IMPG1: variants seen among roughly 807,000 people sequenced by gnomAD.
IMPG1 encodes interphotoreceptor matrix proteoglycan 1, also known as interphotoreceptor matrix proteoglycan of 150 kDa.
Under a neutral mutation model 92.0 loss-of-function variants are expected in IMPG1, and 85 were observed. The observed-to-expected ratio is 0.92, with a 90% CI of 0.78 to 1.11. IMPG1 has a LOEUF of 1.11. IMPG1 is among the 50% of genes least tolerant of loss of function. IMPG1 has a pLI of 0.00. For synonymous variants in IMPG1, 367 were observed against 334.1 expected, an observed-to-expected ratio of 1.10 and a Z score of -1.08; for missense variants, 1,022 against 956.0, an observed-to-expected ratio of 1.07 and a Z score of -0.91.
chr6:76,033,927 G>A (rs1454366849), intron 4 of IMPG1, among the ~76,000 whole-genome samples: 2 of 152,162 alleles, frequency 1.3e-5, no homozygotes, highest in African/African-American at 4.8e-5. Flanking sequence ...CCAAATGAGA[G>A]TTCAAAATTC....
At chr6:76,022,816 C>A (rs1345362847) in intron 5 of IMPG1, among the ~76,000 whole-genome samples, 1 of 152,252 alleles carries the variant, frequency 6.6e-6, no homozygotes, top group East Asian at 1.9e-4. Context: ...AATACAAATG[C>A]ATTTCTATTT....
At chr6:75,939,356 C>G (rs1018545503) in intron 14 of IMPG1, among the ~76,000 whole-genome samples, 3 of 152,136 alleles carry the variant, frequency 2.0e-5, no homozygotes, top group South Asian at 4.2e-4. Flanking sequence ...CTGCTCCCCC[C>G]CACCCCACAA....
intron 2 of IMPG1, among the ~76,000 whole-genome samples, chr6:76,040,471 C>T (rs1783816237): frequency 6.6e-6 from 1 of 152,212 alleles, no homozygotes; most frequent in Non-Finnish European, 1.5e-5. Flanking sequence ...TGTAGGCACA[C>T]TCGAAATTAG....
chr6:76,035,605 C>T (rs1224398474), intron 2 of IMPG1, among the ~76,000 whole-genome samples: 3 of 151,782 alleles, frequency 2.0e-5, no homozygotes, highest in Non-Finnish European at 2.9e-5. Flanking sequence ...GGTCCCCTGG[C>T]TGTCCTTGAA....
At chr6:76,034,247 T>C in intron 4 of IMPG1, 68 bp downstream of exon 4, 2 of 1,455,786 alleles carry the variant, frequency 1.4e-6, no homozygotes, top group South Asian at 1.2e-5. Context: ...ATAGCTTAGT[T>C]TCACTCCATT....
intron 5 of IMPG1, chr6:76,024,809 T>C (rs1783494347): frequency 3.2e-6 from 1 of 314,398 alleles, no homozygotes; most frequent in African/African-American, 2.2e-5. Context: ...ATTAAAATGA[T>C]AACTTTGAAG....
At chr6:75,997,159 G>A (rs1417387787) in intron 12 of IMPG1, among the ~76,000 whole-genome samples, 1 of 152,164 alleles carries the variant, frequency 6.6e-6, no homozygotes, top group Non-Finnish European at 1.5e-5. Flanking sequence ...AGGTGAAATT[G>A]GAAGTCTTAG....
chr6:75,930,116 G>A (rs938966219), intron 15 of IMPG1, among the ~76,000 whole-genome samples: 1 of 152,174 alleles, frequency 6.6e-6, no homozygotes. Flanking sequence ...ACACTCTAAA[G>A]TCTGGTTCCT....
intron 1 of IMPG1, among the ~76,000 whole-genome samples, chr6:76,049,803 G>A (rs975917972): frequency 6.6e-6 from 1 of 152,290 alleles, no homozygotes; most frequent in Non-Finnish European, 1.5e-5. Flanking sequence ...ATTTAGGGGG[G>A]CATAAAGGAG....
At chr6:75,970,449 T>C (rs1782392800) in intron 12 of IMPG1, among the ~76,000 whole-genome samples, 1 of 152,176 alleles carries the variant, frequency 6.6e-6, no homozygotes, top group African/African-American at 2.4e-5. Context: ...GAAATCTTAT[T>C]AGACTTAAAC....
chr6:76,072,464 T>G lies in IMPG1; in HGVS notation c.25A>C (p.Ile9Leu). 1.3e-6 allele frequency: 2 copies of G among 1,596,342 alleles called. No homozygotes were observed. Among genetic ancestry groups the G allele is most frequent in the Non-Finnish European group, 1.7e-6 (2 of 1,168,880 alleles). Reference protein sequence around the residue: MYLETRRAIFVFWIFLQVQ... With the variant: MYLETRRALFVFWIFLQVQ... ...TGGAGAAAAATCCAAAAAACAAAAA[T>G]AGCTCTTCTAGTTTCCAAATACATT... The change falls in exon 1 of 17, where the codon ATT becomes CTT. Residue 9 changes from isoleucine (I) to leucine (L), a missense_variant. Physicochemically the swap from Ile to Leu is conservative, Grantham distance 5. Around this residue, in one of 3 missense-constraint regions of IMPG1, gnomAD observed 681 missense variants for 583.6 expected, o/e 1.17. Transcript: ENST00000369950.
chr6:76,005,675 C>T, intron 9 of IMPG1, 141 bp from the exon 10 acceptor site: 2 of 741,762 alleles, frequency 2.7e-6, no homozygotes, highest in Non-Finnish European at 4.5e-6. Context: ...CACTTTAAAA[C>T]ATTTCAACAT....
chr6:76,034,701 A>G lies in IMPG1; in HGVS notation c.388T>C (p.Cys130Arg), dbSNP rs768948437. The stretch of plus-strand genomic sequence containing the variant: ...AAGAGGCAGAAGGTCTCCTGCTGGC[A>G]GATGCTGACCCAGTCCTGATATTCC... ...TGEYQDWVSI[C>R]QQETFCLFDI... Residue 130 changes from cysteine to arginine, a missense_variant, in exon 3 of 17, where the codon TGC (cysteine) becomes CGC (arginine). By Grantham distance (180) the Cys-to-Arg change is radical. Around this residue, in one of 3 missense-constraint regions of IMPG1, gnomAD observed 681 missense variants for 583.6 expected, o/e 1.17. Coordinates refer to ENST00000369950, the MANE Select transcript of IMPG1 (RefSeq NM_001563.4). 2.5e-6 allele frequency: 4 copies of G among 1,614,038 alleles called. No individual in the cohort carries two copies. In the African/African-American group the frequency reaches 4.0e-5, roughly 16 times the overall value.
chr6:76,024,975 G>T, intron 5 of IMPG1: 1 of 594,816 alleles, frequency 1.7e-6, no homozygotes, highest in Non-Finnish European at 3.1e-6. Context: ...TTTCCAAACT[G>T]TAAGATATTG....
intron 14 of IMPG1, among the ~76,000 whole-genome samples, chr6:75,933,860 A>C (rs1175738569): frequency 1.3e-5 from 2 of 152,252 alleles, no homozygotes; most frequent in African/African-American, 4.8e-5. Context: ...TGTCTTCAAT[A>C]ATATTCACAG....
intron 12 of IMPG1, among the ~76,000 whole-genome samples, chr6:75,991,253 T>C (rs1458053999): frequency 6.6e-6 from 1 of 152,080 alleles, no homozygotes; most frequent in Non-Finnish European, 1.5e-5. Flanking sequence ...TAGTTGGGCA[T>C]GGTGGCACAC....
chr6:75,979,185 G>C (rs752695663), intron 12 of IMPG1, among the ~76,000 whole-genome samples: 42 of 152,206 alleles, frequency 2.8e-4, no homozygotes, highest in Middle Eastern at 3.4e-3. Flanking sequence ...CCAAAGTGCT[G>C]GGATTACAGG....
At chr6:75,999,153 G>A (rs776951320) in intron 12 of IMPG1, among the ~76,000 whole-genome samples, 8 of 151,880 alleles carry the variant, frequency 5.3e-5, no homozygotes, top group Non-Finnish European at 8.8e-5. Flanking sequence ...CACTGCGCCC[G>A]GCCGATAGGA....
intron 6 of IMPG1, among the ~76,000 whole-genome samples, chr6:76,021,269 G>T (rs1027026817): frequency 6.6e-6 from 1 of 152,046 alleles, no homozygotes; most frequent in Non-Finnish European, 1.5e-5. Context: ...ACTTCAAATT[G>T]TCTCGCCTTT....
Sources: allele counts gnomAD v4.1 joint callset (sites outside exome capture counted in the v4.1 genomes callset), GRCh38; gene constraint gnomAD v4.1.1; regional missense constraint gnomAD v4.1.1; transcripts MANE v1.5; gene names NCBI Gene and HGNC (gene_info 2026-07-23, HGNC 2026-07-21).